NAA15: variants seen among roughly 807,000 people sequenced by gnomAD.
NAA15 encodes N-terminal acetyltransferase.
NAA15 carries 34 observed loss-of-function variants against 114.0 expected under a neutral mutation model. The ratio of observed to expected loss-of-function variants is 0.30; its 90% CI spans 0.23 to 0.40. The LOEUF (loss-of-function observed/expected upper bound fraction) is 0.40, where lower values mean the gene tolerates loss of function less well. NAA15 is among the 10% of genes least tolerant of loss of function. The pLI is 1.00. For missense variants in NAA15, 658 were observed against 1,004.5 expected (o/e 0.66, Z 4.66); for synonymous variants, 340 against 338.0 (o/e 1.01, Z -0.06).
intron 15 of NAA15, among the ~76,000 whole-genome samples, chr4:139,373,860 A>G (rs1748511147): frequency 6.6e-6 from 1 of 151,568 alleles, no homozygotes; most frequent in South Asian, 2.1e-4. Context: ...CACCACACCC[A>G]CTATTTGTTT....
At chr4:139,380,113 A>G (rs1185627153) in intron 17 of NAA15, among the ~76,000 whole-genome samples, 4 of 152,230 alleles carry the variant, frequency 2.6e-5, no homozygotes, top group African/African-American at 9.6e-5. Context: ...ACGCTTGTCC[A>G]AAAACTAATT....
chr4:139,344,404 T>C (rs1747512029), intron 6 of NAA15, 65 bp downstream of exon 6: 1 of 1,322,510 alleles, frequency 7.6e-7, no homozygotes. Context: ...CTGAAAAATC[T>C]AGTTGCTGCT....
Position 139,354,242 on chromosome 4 carries a change from TTTG to T in NAA15, c.1087+145_1087+147del, listed in dbSNP as rs1747870505. 3 of 632,224 alleles carry T rather than the reference TTTG, an allele frequency of 4.7e-6. No homozygotes were observed. The East Asian group carries it at 8.2e-5, about 17-fold the overall frequency. The allele number at this position is 632,224 out of a possible 1,614,324, so 39.2% of individuals were successfully genotyped here. A position where few individuals can be genotyped will look rare whatever the true frequency, so the allele number is the denominator to read the frequency against. Reference sequence around the variant, plus strand: ...TCTCTTTGAGAGGGAGATCCATTAATTTGCACATTGTGTGATGATATTTGGTTA... The same window carrying T: ...TCTCTTTGAGAGGGAGATCCATTAATCACATTGTGTGATGATATTTGGTTA... On this transcript the variant is annotated intron_variant, in intron 10 of 19. Coordinates refer to ENST00000296543, the MANE Select transcript of NAA15 (RefSeq NM_057175.5).
At chr4:139,353,144 T>G (rs1460759761) in intron 9 of NAA15, among the ~76,000 whole-genome samples, 1 of 152,238 alleles carries the variant, frequency 6.6e-6, no homozygotes, top group East Asian at 1.9e-4. Context: ...GTATTCAACT[T>G]ATGGAACAGT....
rs185465153 is a variant in NAA15 at position 139,353,007 on chromosome 4, T to C, written c.1015-1019T>C. On this transcript the variant is annotated intron_variant, in intron 9 of 19. Transcript: ENST00000296543. ...GTTTCCAGTTTTGAAAGAGTCAGACTTTGATGTTTATGAAGTGGTCTTATG... is the reference window on the plus strand; with the variant it reads ...GTTTCCAGTTTTGAAAGAGTCAGACCTTGATGTTTATGAAGTGGTCTTATG... Among the ~76,000 whole-genome samples the C allele has an allele frequency of 2.3e-3, 347 of 152,264 alleles. 1 individual carries two copies. Among genetic ancestry groups the C allele is most frequent in the African/African-American group, 7.5e-3 (312 of 41,536 alleles).
intron 1 of NAA15, among the ~76,000 whole-genome samples, chr4:139,332,119 T>A (rs1227325482): frequency 6.6e-6 from 1 of 152,130 alleles, no homozygotes; most frequent in Non-Finnish European, 1.5e-5. Flanking sequence ...ATATTCCTTA[T>A]TTACTAAGTC....
intron 1 of NAA15, among the ~76,000 whole-genome samples, chr4:139,331,942 G>A (rs1417597473): frequency 6.6e-6 from 1 of 151,762 alleles, no homozygotes; most frequent in Non-Finnish European, 1.5e-5. Flanking sequence ...CCTATTGCTC[G>A]TTTCCTGCAA....
In NAA15 at chr4:139,336,946, CAT is replaced by C. The variant is rs779009256; in HGVS notation, c.239_240del (p.His80ArgfsTer17). 3.2e-6 allele frequency: 5 copies of C among 1,583,634 alleles called. No individual in the cohort carries two copies. The highest frequency in any genetic ancestry group is 1.4e-5 in the African/African-American group (1 of 73,632). On this transcript the variant is annotated frameshift_variant, in exon 3 of 20. Coordinates refer to ENST00000296543, the MANE Select transcript of NAA15 (RefSeq NM_057175.5). LOFTEE classifies it high-confidence loss of function. ...AGGTTTGAGAAATGACTTGAAGAGT[CAT>C]GTGTGTATCCTTTTTGAGATATATT... ...RRGLRNDLKS[H>X]VCWHVYGLLQ...
intron 1 of NAA15, among the ~76,000 whole-genome samples, chr4:139,323,056 T>C (rs890649647): frequency 1.0e-4 from 8 of 79,930 alleles, no homozygotes; most frequent in African/African-American, 4.6e-4. Flanking sequence ...TTCTTTTCTT[T>C]TTTTTTTTTT....
In NAA15 at chr4:139,360,472, A is replaced by T. The variant is rs926887482; in HGVS notation, c.1411-28A>T. On this transcript the variant is annotated intron_variant, in intron 12 of 19. Coordinates refer to ENST00000296543, the MANE Select transcript of NAA15 (RefSeq NM_057175.5). ...AGAATGATGTCTATGATAAAAAGTG[A>T]TCTTGAAAATATTTGATTTCTGTAT... 1.0e-5 allele frequency: 15 copies of T among 1,495,642 alleles called. No homozygotes were observed. In the African/African-American group the frequency reaches 2.0e-4, roughly 20 times the overall value. The allele number at this position is 1,495,642 out of a possible 1,614,324, so 92.6% of individuals were successfully genotyped here. A position where few individuals can be genotyped will look rare whatever the true frequency, so the allele number is the denominator to read the frequency against.
rs1022575716 is a variant in NAA15, at chr4:139,306,373, C to A, written c.54+4542C>A. Among the ~76,000 whole-genome samples, 3 of 151,608 alleles carry A rather than the reference C, an allele frequency of 2.0e-5. No individual in the cohort carries two copies. In the East Asian group the frequency reaches 5.8e-4, roughly 29 times the overall value. ...CCTCCCAAGTAGCTGGGATTACAGG[C>A]GCCTGCCACCACACTCGGCTAATTT... On this transcript the variant is annotated intron_variant, in intron 1 of 19. Coordinates refer to ENST00000296543, the MANE Select transcript of NAA15 (RefSeq NM_057175.5).
rs768382425 is a variant in NAA15, at chr4:139,351,558, G to T, written c.961G>T (p.Gly321Cys). Residue 321 changes from glycine (G) to cysteine (C), a missense_variant, in exon 9 of 20, where the codon GGT (glycine) becomes TGT (cysteine). Physicochemically the swap from Gly to Cys is radical, Grantham distance 159. This residue lies in a region of NAA15 where 281 missense variants were observed against 389.1 expected (regional missense o/e 0.72). Coordinates refer to ENST00000296543, the MANE Select transcript of NAA15 (RefSeq NM_057175.5). ...GTTCCTAAGGATGAATTTCAGCAAGGGTTGCCCACCAGTCTTCAATACTTT... is the reference window on the plus strand; with the variant it reads ...GTTCCTAAGGATGAATTTCAGCAAGTGTTGCCCACCAGTCTTCAATACTTT... ...DKFLRMNFSKGCPPVFNTLRS... is the reference protein window; with the variant it reads ...DKFLRMNFSKCCPPVFNTLRS... The T allele has an allele frequency of 6.2e-7, 1 of 1,608,422 alleles. No individual in the cohort carries two copies. The highest frequency in any genetic ancestry group is 1.1e-5 in the South Asian group (1 of 90,920).
chr4:139,359,926 TAAA>T, intron 12 of NAA15, 31 bp downstream of exon 12: 1 of 1,535,762 alleles, frequency 6.5e-7, no homozygotes, highest in Non-Finnish European at 8.7e-7. Flanking sequence ...TAATTATGAA[TAAA>T]GAAGACATGA....
chr4:139,350,919 A>G (rs547661221), intron 7 of NAA15, among the ~76,000 whole-genome samples: 7 of 152,220 alleles, frequency 4.6e-5, no homozygotes, highest in East Asian at 1.9e-4. Context: ...TGGAAACATG[A>G]TAACCAAGGC....
In NAA15 at chr4:139,314,984, CGTTCAGTTCA is replaced by C. The variant is rs200195608; in HGVS notation, c.54+13162_54+13171del. ...AGCAACCACACCCGGCCTAGAGAAG[CGTTCAGTTCA>C]GTTCAGTTTAGTTTAGGTTAGGTTA... On this transcript the variant is annotated intron_variant, in intron 1 of 19. Transcript: ENST00000296543. Among the ~76,000 whole-genome samples, 3 of 84,474 alleles carry C rather than the reference CGTTCAGTTCA, an allele frequency of 3.6e-5. No homozygotes were observed. The East Asian group carries it at 9.8e-4, about 28-fold the overall frequency. The allele number at this position is 84,474 out of a possible 152,430, so 55.4% of individuals were successfully genotyped here.
chr4:139,378,703 A>G, intron 16 of NAA15, 53 bp from the exon 17 acceptor site: 1 of 1,147,932 alleles, frequency 8.7e-7, no homozygotes, highest in African/African-American at 1.6e-5. Context: ...TGGCCCTCCA[A>G]AGGAGGCCTC....
chr4:139,326,850 A>G (rs1746817875), intron 1 of NAA15, among the ~76,000 whole-genome samples: 1 of 152,346 alleles, frequency 6.6e-6, no homozygotes. Flanking sequence ...AAGAGACTAT[A>G]AGTTAGTACT....
At chr4:139,344,110 T>A (rs1747500588) in intron 5 of NAA15, 76 bp from the exon 6 acceptor site, 2 of 1,303,814 alleles carry the variant, frequency 1.5e-6, no homozygotes, top group Non-Finnish European at 2.1e-6. Context: ...TTCTTACATG[T>A]TTTTGAGTAT....
rs199726764 is a variant in NAA15 at position 139,370,230 on chromosome 4, G to A, written c.1773G>A (p.Glu591=). The A allele has an allele frequency of 1.0e-4, 154 of 1,547,516 alleles. No individual in the cohort carries two copies. The highest frequency in any genetic ancestry group is 1.3e-4 in the Non-Finnish European group (150 of 1,154,522). The stretch of plus-strand genomic sequence containing the variant: ...CTGCAGCAAACATGTCTGACAAAGA[G>A]CTAAAGAAGCTACGTAATAAACAAA... ...EADTANMSDK[E]LKKLRNKQRR... Residue 591 remains glutamate (E), a synonymous_variant, in exon 15 of 20, where the codon GAG becomes GAA. Transcript: ENST00000296543.
Sources: gnomAD v4.1 joint callset for allele counts (sites outside exome capture counted in the v4.1 genomes callset) on GRCh38, gnomAD v4.1.1 for gene constraint, gnomAD v4.1.1 regional missense constraint, MANE v1.5 for transcripts, NCBI Gene and HGNC (gene_info 2026-07-23, HGNC 2026-07-21) for gene names.